DACH2: variants seen among roughly 807,000 people sequenced by gnomAD.
DACH2 encodes dachshund family transcription factor 2, also known as dachshund homolog 2.
In DACH2, 17 loss-of-function variants were observed where a neutral mutation model predicts 35.8. That is an observed-to-expected ratio of 0.48 (90% CI 0.33 to 0.71). The LOEUF (loss-of-function observed/expected upper bound fraction) is 0.71. Among genes scored for constraint, DACH2 ranks in the 30% least tolerant of loss-of-function variants. The pLI is 0.02. For missense variants in DACH2, 469 were observed against 472.7 expected, an observed-to-expected ratio of 0.99 and a Z score of 0.07; for synonymous variants, 195 against 177.3, an observed-to-expected ratio of 1.10 and a Z score of -0.79.
chrX:86,635,253 A>T (rs778228960), intron 3 of DACH2, among the ~76,000 whole-genome samples: 64 of 109,544 alleles, frequency 5.8e-4, no homozygotes, highest in African/African-American at 2.1e-3. Context: ...TATAAACAGA[A>T]CTGATGACAA....
At chrX:86,427,976 G>A (rs1202078516) in intron 2 of DACH2, among the ~76,000 whole-genome samples, 1 of 111,241 alleles carries the variant, frequency 9.0e-6, no homozygotes, top group East Asian at 2.8e-4. Context: ...ACACTTTTTT[G>A]GTTGAGTAAT....
chrX:86,163,344 C>T (rs961780331), intron 1 of DACH2, among the ~76,000 whole-genome samples: 1 of 111,049 alleles, frequency 9.0e-6, no homozygotes, highest in Non-Finnish European at 1.9e-5. Context: ...ATAATGATCT[C>T]CAGTTCCATG....
At chrX:86,711,547 A>G (rs904449145) in intron 5 of DACH2, among the ~76,000 whole-genome samples, 1 of 112,271 alleles carries the variant, frequency 8.9e-6, no homozygotes, top group Non-Finnish European at 1.9e-5. Context: ...GGCTACCTGT[A>G]TATCTAGCAT....
intron 2 of DACH2, among the ~76,000 whole-genome samples, chrX:86,410,178 T>G (rs1437149749): frequency 8.9e-6 from 1 of 112,268 alleles, no homozygotes; most frequent in Non-Finnish European, 1.9e-5. Context: ...ACAGCAATAC[T>G]TTACTAAGTG....
intron 2 of DACH2, among the ~76,000 whole-genome samples, chrX:86,432,553 T>A (rs1345416049): frequency 1.8e-5 from 2 of 111,873 alleles, no homozygotes; most frequent in Non-Finnish European, 3.8e-5. Context: ...CACTGAGGTG[T>A]TTCAAATGTC....
Position 86,148,580 on chromosome X carries a change from A to G in DACH2, c.-41A>G. 1 of 1,125,306 alleles carries G rather than the reference A, an allele frequency of 8.9e-7. No homozygotes were observed. The highest frequency in any genetic ancestry group is 1.2e-6 in the Non-Finnish European group (1 of 853,500). The allele number at this position is 1,125,306 out of a possible 1,213,427, so 92.7% of individuals were successfully genotyped here. On this transcript the variant is annotated 5_prime_UTR_variant, in exon 1 of 12. Coordinates refer to ENST00000373125, the MANE Select transcript of DACH2 (RefSeq NM_053281.3). The stretch of plus-strand genomic sequence containing the variant: ...GGGGATCTAGAGGAGTCAGGGCGAG[A>G]AAGCGAGGGCCGGAGGACCCACGAT...
chrX:86,343,845 C>A (rs2035453376), intron 1 of DACH2, among the ~76,000 whole-genome samples: 1 of 110,478 alleles, frequency 9.1e-6, no homozygotes. Context: ...ATAGTGGAAA[C>A]TTGGATCCAT....
chrX:86,320,331 T>C (rs2034992449), intron 1 of DACH2, among the ~76,000 whole-genome samples: 1 of 112,353 alleles, frequency 8.9e-6, no homozygotes, highest in Non-Finnish European at 1.9e-5. Flanking sequence ...AGAAAATCCT[T>C]TTTCATTAAT....
chrX:86,366,822 G>A (rs1397681486), intron 1 of DACH2, among the ~76,000 whole-genome samples: 3 of 110,248 alleles, frequency 2.7e-5, no homozygotes, highest in African/African-American at 9.9e-5. Flanking sequence ...CTTGCCATGT[G>A]ACATGCCTAT....
chrX:86,472,850 A>G lies in DACH2; in HGVS notation c.528-41429A>G, dbSNP rs190703092. Among the ~76,000 whole-genome samples, 150 of 112,150 alleles carry G rather than the reference A, an allele frequency of 1.3e-3. 1 individual carries two copies. Among genetic ancestry groups the G allele is most frequent in the African/African-American group, 4.6e-3 (141 of 30,975 alleles). On this transcript the variant is annotated intron_variant, in intron 2 of 11. Transcript: ENST00000373125. The stretch of plus-strand genomic sequence containing the variant: ...TTGACACATTAAATATCGATAGATT[A>G]GCCTTAGCATTGTTAACTGAACCTA...
intron 3 of DACH2, among the ~76,000 whole-genome samples, chrX:86,609,617 T>A (rs2039903515): frequency 8.9e-6 from 1 of 112,053 alleles, no homozygotes; most frequent in Admixed American, 9.5e-5. Flanking sequence ...TGGAAGGCTT[T>A]CAGATATTCT....
intron 1 of DACH2, among the ~76,000 whole-genome samples, chrX:86,313,144 T>C (rs1453125603): frequency 9.0e-6 from 1 of 111,266 alleles, no homozygotes; most frequent in East Asian, 2.8e-4. Context: ...AACATCACAC[T>C]GCACCCCATA....
intron 2 of DACH2, among the ~76,000 whole-genome samples, chrX:86,377,444 C>A (rs1165594800): frequency 1.8e-5 from 2 of 110,825 alleles, no homozygotes; most frequent in African/African-American, 6.5e-5. Flanking sequence ...ATACTTGAAA[C>A]CTCTTAAAAT....
chrX:86,308,315 A>C (rs1326478118), intron 1 of DACH2, among the ~76,000 whole-genome samples: 1 of 112,792 alleles, frequency 8.9e-6, no homozygotes, highest in African/African-American at 3.2e-5. Context: ...TTGGATCCTT[A>C]GGTGGCAGAG....
At chrX:86,773,339 T>A in intron 7 of DACH2, among the ~76,000 whole-genome samples, 1 of 111,806 alleles carries the variant, frequency 8.9e-6, no homozygotes. Context: ...ATGTGGAATT[T>A]TGAGAGTAAA....
At chrX:86,663,045 T>C (rs543901087) in intron 4 of DACH2, among the ~76,000 whole-genome samples, 6 of 111,327 alleles carry the variant, frequency 5.4e-5, no homozygotes, top group Admixed American at 9.5e-5. Context: ...AAATAAAAAA[T>C]AGAACACAAT....
At chrX:86,754,720 C>T (rs1210163970) in intron 7 of DACH2, among the ~76,000 whole-genome samples, 2 of 111,403 alleles carry the variant, frequency 1.8e-5, no homozygotes, top group African/African-American at 6.5e-5. Flanking sequence ...AACATAGTTA[C>T]CTCCAATTCC....
chrX:86,545,092 G>T (rs748405044), intron 3 of DACH2, among the ~76,000 whole-genome samples: 1 of 111,984 alleles, frequency 8.9e-6, no homozygotes, highest in South Asian at 3.7e-4. Flanking sequence ...ACCATGCATC[G>T]CCTTGCATGA....
At chrX:86,238,199 T>C (rs773842390) in intron 1 of DACH2, among the ~76,000 whole-genome samples, 1 of 112,518 alleles carries the variant, frequency 8.9e-6, no homozygotes, top group East Asian at 2.8e-4. Flanking sequence ...TGTGTATCTT[T>C]TAGATGCTAT....
Sources: gnomAD v4.1 joint callset for allele counts (sites outside exome capture counted in the v4.1 genomes callset) on GRCh38, gnomAD v4.1.1 for gene constraint, MANE v1.5 for transcripts, NCBI Gene and HGNC (gene_info 2026-07-23, HGNC 2026-07-21) for gene names.